Variants in STXBP5 observed in about 807,000 individuals in gnomAD.
STXBP5 encodes the protein syntaxin binding protein 5, also known as syntaxin-binding protein 5.
STXBP5 carries 50 observed loss-of-function variants against 152.4 expected under a neutral mutation model. The ratio of observed to expected loss-of-function variants is 0.33; its 90% CI spans 0.26 to 0.42. The LOEUF (loss-of-function observed/expected upper bound fraction) is 0.42, where lower values mean the gene tolerates loss of function less well. STXBP5 is among the 10% of genes least tolerant of loss of function. The pLI is 1.00. For missense variants in STXBP5, 1,167 were observed against 1,388.6 expected (o/e 0.84, Z 2.54); for synonymous variants, 492 against 494.7 (o/e 0.99, Z 0.07).
rs771894828 is a variant in STXBP5 at position 147,316,406 on chromosome 6, A to C, written c.1801A>C (p.Lys601Gln). Residue 601 changes from lysine (K) to glutamine (Q), a missense_variant and splice_region_variant, in exon 16 of 28, where the codon AAA becomes CAA. Lys to Gln is a moderately conservative substitution (Grantham distance 53). Transcript: ENST00000321680. ...GCTTCGTGATAATGTACCTTGTTTA[A>C]AGTAAGTTATAAAAAACTACAGAGG... ...DGLRDNVPCL[K>Q]VKNSPLKQSP... 3 of 1,511,628 alleles carry C rather than the reference A, an allele frequency of 2.0e-6. No homozygotes were observed. The highest frequency in any genetic ancestry group is 2.6e-6 in the Non-Finnish European group (3 of 1,133,282). The allele number at this position is 1,511,628 out of a possible 1,614,324, so 93.6% of individuals were successfully genotyped here. A position where few individuals can be genotyped will look rare whatever the true frequency, so the allele number is the denominator to read the frequency against.
chr6:147,307,616 T>A (rs1347210310), intron 9 of STXBP5, among the ~76,000 whole-genome samples: 1 of 152,146 alleles, frequency 6.6e-6, no homozygotes, highest in African/African-American at 2.4e-5. Context: ...AAAAAACATA[T>A]AACCTGTGAA....
In STXBP5 at chr6:147,291,191, G is replaced by A; in HGVS notation, c.917+19G>A. On this transcript the variant is annotated intron_variant, in intron 9 of 27. Coordinates refer to ENST00000321680, the MANE Select transcript of STXBP5 (RefSeq NM_001127715.4). ...GATCTGGGTAAGATTTTACTTCATT[G>A]CCAATGTTCATTGTATATAAGTCCT... 5 of 1,601,208 alleles carry A rather than the reference G, an allele frequency of 3.1e-6. No homozygotes were observed. Among genetic ancestry groups the A allele is most frequent in the Non-Finnish European group, 4.3e-6 (5 of 1,170,362 alleles).
chr6:147,375,026 G>A (rs1785741356), intron 26 of STXBP5, among the ~76,000 whole-genome samples: 1 of 152,084 alleles, frequency 6.6e-6, no homozygotes, highest in African/African-American at 2.4e-5. Flanking sequence ...CCTGGCAGAA[G>A]CAAATGAAAA....
intron 9 of STXBP5, among the ~76,000 whole-genome samples, chr6:147,291,707 T>C (rs1213215528): frequency 6.6e-6 from 1 of 152,114 alleles, no homozygotes; most frequent in Non-Finnish European, 1.5e-5. Context: ...TTATATATTT[T>C]ATGTATATTT....
chr6:147,237,430 A>T (rs910256945), intron 3 of STXBP5, among the ~76,000 whole-genome samples: 1 of 152,196 alleles, frequency 6.6e-6, no homozygotes, highest in Non-Finnish European at 1.5e-5. Context: ...GAAGACAGCT[A>T]TTATTGCTAT....
intron 4 of STXBP5, among the ~76,000 whole-genome samples, chr6:147,254,339 C>A (rs1779250853): frequency 6.6e-6 from 1 of 152,128 alleles, no homozygotes; most frequent in Non-Finnish European, 1.5e-5. Flanking sequence ...CCATAAAAAC[C>A]ATAAAAGAAA....
Position 147,204,834 on chromosome 6 carries a change from ACGT to A in STXBP5, c.150+153_150+155del. The A allele has an allele frequency of 1.1e-6, 1 of 915,336 alleles. No individual in the cohort carries two copies. Among genetic ancestry groups the A allele is most frequent in the South Asian group, 2.1e-5 (1 of 47,024 alleles). The allele number at this position is 915,336 out of a possible 1,614,324, so 56.7% of individuals were successfully genotyped here. ...AAAAGGCTCGCTCCTCCCTTGGCAA[ACGT>A]TTCTTCGGTGGGTTGTTTTGGAGAT... On this transcript the variant is annotated intron_variant, in intron 1 of 27. Transcript: ENST00000321680. The surrounding 1 kb of genome is among the most constrained non-coding windows in gnomAD (Gnocchi z 4.3).
intron 25 of STXBP5, among the ~76,000 whole-genome samples, chr6:147,372,030 G>C (rs1407880572): frequency 6.6e-6 from 1 of 152,042 alleles, no homozygotes; most frequent in African/African-American, 2.4e-5. Flanking sequence ...TATAATAATA[G>C]ACATCAGTAT....
At chr6:147,284,787 C>T (rs539423775) in intron 8 of STXBP5, among the ~76,000 whole-genome samples, 1 of 152,184 alleles carries the variant, frequency 6.6e-6, no homozygotes, top group Non-Finnish European at 1.5e-5. Context: ...GAAGTGAAAA[C>T]AGAACCATGT....
At chr6:147,241,001 G>A (rs1778513434) in intron 4 of STXBP5, among the ~76,000 whole-genome samples, 3 of 152,236 alleles carry the variant, frequency 2.0e-5, no homozygotes, top group African/African-American at 4.8e-5. Context: ...TGTAGTTGTA[G>A]TCTTAGGTCT....
intron 4 of STXBP5, among the ~76,000 whole-genome samples, chr6:147,251,473 C>G (rs761735078): frequency 6.6e-6 from 1 of 152,148 alleles, no homozygotes; most frequent in African/African-American, 2.4e-5. Flanking sequence ...GGGCTGAAGC[C>G]AGGGAGCCAA....
chr6:147,305,554 T>A (rs897371537), intron 9 of STXBP5, among the ~76,000 whole-genome samples: 3 of 152,318 alleles, frequency 2.0e-5, no homozygotes, highest in Non-Finnish European at 4.4e-5. Flanking sequence ...TGACATATAA[T>A]CTGCAAAATA....
chr6:147,352,901 A>G (rs1309174732), intron 21 of STXBP5, among the ~76,000 whole-genome samples: 1 of 152,188 alleles, frequency 6.6e-6, no homozygotes, highest in Non-Finnish European at 1.5e-5. Context: ...ATGGTGGCTC[A>G]CGCATGTAAT....
chr6:147,389,926 A>G lies in STXBP5; in HGVS notation c.*5171A>G, dbSNP rs966376121. 14 of 151,646 alleles carry G rather than the reference A, an allele frequency of 9.2e-5. No individual in the cohort carries two copies. Among genetic ancestry groups the G allele is most frequent in the African/African-American group, 3.1e-4 (13 of 41,326 alleles). 9.4% of individuals were successfully genotyped at this position (151,646 alleles called of 1,614,324 possible). A position where few individuals can be genotyped will look rare whatever the true frequency, so the allele number is the denominator to read the frequency against. ...AACCAGAAAAACACTTTTGCTTTCTAGTTATACTATTGGTTCATTGTAAAT... is the reference window on the plus strand; with the variant it reads ...AACCAGAAAAACACTTTTGCTTTCTGGTTATACTATTGGTTCATTGTAAAT... On this transcript the variant is annotated 3_prime_UTR_variant, in exon 28 of 28. Coordinates refer to ENST00000321680, the MANE Select transcript of STXBP5 (RefSeq NM_001127715.4).
chr6:147,204,671 C>G lies in STXBP5; in HGVS notation c.139C>G (p.Gln47Glu). ...GGAAACGCTCCAGTCCGAGCACTTT[C>G]AGCTCTGCAAGGTGAACGGAGCGCG... is the stretch of plus-strand genomic sequence containing the variant. ...IQETLQSEHF[Q>E]LCKTVRHGFP... The change falls in exon 1 of 28, where the codon CAG becomes GAG. Residue 47 changes from glutamine (Q) to glutamate (E), a missense_variant. Coordinates refer to ENST00000321680, the MANE Select transcript of STXBP5 (RefSeq NM_001127715.4). The surrounding 1 kb of genome is among the most constrained non-coding windows in gnomAD (Gnocchi z 4.3). The G allele has an allele frequency of 6.2e-7, 1 of 1,601,822 alleles. No homozygotes were observed. The highest frequency in any genetic ancestry group is 8.5e-7 in the Non-Finnish European group (1 of 1,173,598).
chr6:147,330,828 A>G (rs1352459494), intron 18 of STXBP5, among the ~76,000 whole-genome samples: 2 of 152,198 alleles, frequency 1.3e-5, no homozygotes, highest in African/African-American at 2.4e-5. Context: ...GCTTAAATCA[A>G]GAGTCAGCAA....
intron 23 of STXBP5, among the ~76,000 whole-genome samples, chr6:147,362,882 C>T (rs567357699): frequency 1.9e-4 from 29 of 152,272 alleles, no homozygotes; most frequent in South Asian, 8.3e-4. Context: ...TCTCACCATG[C>T]GCTGCAGTTG....
chr6:147,295,452 C>T (rs756965340), intron 9 of STXBP5, among the ~76,000 whole-genome samples: 5 of 152,152 alleles, frequency 3.3e-5, no homozygotes, highest in Admixed American at 6.5e-5. Flanking sequence ...CCATCCCCCC[C>T]ACACACGCAC....
intron 3 of STXBP5, among the ~76,000 whole-genome samples, chr6:147,235,649 A>AT (rs1302868951): frequency 1.3e-5 from 2 of 152,160 alleles, no homozygotes; most frequent in Admixed American, 1.3e-4. Flanking sequence ...TTTTTAAAAG[A>AT]TTGAGCTTAT....
Sources: allele counts gnomAD v4.1 joint callset (sites outside exome capture counted in the v4.1 genomes callset), GRCh38; gene constraint gnomAD v4.1.1; non-coding constraint Gnocchi (gnomAD v3.1); transcripts MANE v1.5; gene names NCBI Gene and HGNC (gene_info 2026-07-23, HGNC 2026-07-21).